Variants in PCDH9 observed in about 807,000 individuals in gnomAD.
The protein encoded by PCDH9 is protocadherin 9.
Under a neutral mutation model 70.6 loss-of-function variants are expected in PCDH9, and 24 were observed. That is an observed-to-expected ratio of 0.34 (90% CI 0.25 to 0.48). The LOEUF is 0.48. Among genes scored for constraint, PCDH9 ranks in the 20% least tolerant of loss-of-function variants. The pLI is 0.99. For synonymous variants in PCDH9, 562 were observed against 558.5 expected (o/e 1.01, Z -0.09); for missense variants, 1,281 against 1,503.6 (o/e 0.85, Z 2.45).
At chr13:66,305,052 A>G (rs944486350) in intron 4 of PCDH9, 24 bp from the exon 5 acceptor site, 1 of 1,557,346 alleles carries the variant, frequency 6.4e-7, no homozygotes. Flanking sequence ...GAGAGAGAAA[A>G]TAAGAAAAGG....
chr13:66,940,955 A>G (rs535773839), intron 2 of PCDH9, among the ~76,000 whole-genome samples: 1 of 152,076 alleles, frequency 6.6e-6, no homozygotes, highest in African/African-American at 2.4e-5. Context: ...ATTATGAAAA[A>G]GTATTGTTTT....
chr13:66,446,825 G>T (rs3843947), intron 4 of PCDH9, among the ~76,000 whole-genome samples: 1 of 151,724 alleles, frequency 6.6e-6, no homozygotes, highest in African/African-American at 2.4e-5. Context: ...TTATTCTAAC[G>T]TCCAGTCATA....
intron 4 of PCDH9, among the ~76,000 whole-genome samples, chr13:66,578,717 T>C (rs959508523): frequency 6.6e-6 from 1 of 152,158 alleles, no homozygotes; most frequent in Non-Finnish European, 1.5e-5. Flanking sequence ...CCATTAAACA[T>C]CTAATTTCTT....
In PCDH9 at chr13:66,590,449, T is replaced by C. The variant is rs189778143; in HGVS notation, c.3340+40761A>G. Among the ~76,000 whole-genome samples, 49 of 152,048 alleles carry C rather than the reference T, an allele frequency of 3.2e-4. 1 individual carries two copies. Among genetic ancestry groups the C allele is most frequent in the Admixed American group, 1.2e-3 (19 of 15,236 alleles). ...AGTTATCTAAGTTCATGTTAAACTA[T>C]GAATTGGTTGGTACACAACCAAATG... On this transcript the variant is annotated intron_variant, in intron 4 of 4. Coordinates refer to ENST00000377865, the MANE Select transcript of PCDH9 (RefSeq NM_203487.3).
At chr13:67,214,935 G>C (rs1449952516) in intron 2 of PCDH9, 1 of 89,248 alleles carries the variant, frequency 1.1e-5, no homozygotes. Context: ...TTGCGAGCCA[G>C]ATATATATAT....
chr13:67,193,754 T>G (rs534304201), intron 2 of PCDH9, among the ~76,000 whole-genome samples: 5 of 152,240 alleles, frequency 3.3e-5, no homozygotes, highest in African/African-American at 1.2e-4. Flanking sequence ...CTATGGATGC[T>G]TCAAATAAAG....
At chr13:66,746,220 C>T (rs962839548) in intron 3 of PCDH9, among the ~76,000 whole-genome samples, 1 of 152,084 alleles carries the variant, frequency 6.6e-6, no homozygotes, top group Non-Finnish European at 1.5e-5. Flanking sequence ...CATCTAAAAA[C>T]AATGCTATGT....
intron 4 of PCDH9, among the ~76,000 whole-genome samples, chr13:66,505,801 G>T (rs920404559): frequency 6.6e-6 from 1 of 152,112 alleles, no homozygotes; most frequent in Admixed American, 6.6e-5. Context: ...AATTCAAGAT[G>T]AGATTTGGGT....
chr13:66,855,838 A>T lies in PCDH9; in HGVS notation c.3138+47666T>A, dbSNP rs1190106682. The stretch of plus-strand genomic sequence containing the variant: ...ATATATGAATAAACATAAAAAACTC[A>T]TATACTATCTACTTGTGTAAAAATG... On this transcript the variant is annotated intron_variant, in intron 3 of 4. Transcript: ENST00000377865. Among the ~76,000 whole-genome samples, 3 of 152,102 alleles carry T rather than the reference A, an allele frequency of 2.0e-5. No individual in the cohort carries two copies. In the East Asian group the frequency reaches 5.8e-4, roughly 29 times the overall value.
At chr13:67,116,455 A>G (rs983794921) in intron 2 of PCDH9, among the ~76,000 whole-genome samples, 9 of 152,160 alleles carry the variant, frequency 5.9e-5, no homozygotes, top group Non-Finnish European at 1.3e-4. Context: ...GAGGAGGAGG[A>G]AAAAGTTTAG....
intron 2 of PCDH9, among the ~76,000 whole-genome samples, chr13:66,909,471 T>C (rs1372056895): frequency 6.6e-6 from 1 of 151,772 alleles, no homozygotes; most frequent in Non-Finnish European, 1.5e-5. Flanking sequence ...AAAACACATG[T>C]TGAAAATCCA....
intron 2 of PCDH9, among the ~76,000 whole-genome samples, chr13:66,936,470 A>G (rs1230156764): frequency 1.3e-5 from 2 of 152,198 alleles, no homozygotes; most frequent in African/African-American, 2.4e-5. Flanking sequence ...TTGCTGGAAG[A>G]AAAAATTTAA....
chr13:67,077,202 T>C (rs747971515), intron 2 of PCDH9, among the ~76,000 whole-genome samples: 21 of 152,118 alleles, frequency 1.4e-4, no homozygotes, highest in African/African-American at 1.9e-4. Flanking sequence ...ACATTGCCCA[T>C]TAATCTCTGG....
At chr13:66,703,594 T>C (rs911934166) in intron 3 of PCDH9, among the ~76,000 whole-genome samples, 3 of 152,182 alleles carry the variant, frequency 2.0e-5, no homozygotes, top group Non-Finnish European at 2.9e-5. Context: ...GATAGATTAA[T>C]TGAAATTAAG....
chr13:66,781,544 AT>A (rs1288547982), intron 3 of PCDH9, among the ~76,000 whole-genome samples: 1 of 152,174 alleles, frequency 6.6e-6, no homozygotes, highest in African/African-American at 2.4e-5. Flanking sequence ...CAGCACTTAT[AT>A]TTTGTCCTTG....
intron 3 of PCDH9, among the ~76,000 whole-genome samples, chr13:66,738,263 A>C (rs1328674636): frequency 6.6e-6 from 1 of 151,238 alleles, no homozygotes; most frequent in Non-Finnish European, 1.5e-5. Flanking sequence ...GTATTCCAAC[A>C]GACCTGCAGC....
intron 4 of PCDH9, among the ~76,000 whole-genome samples, chr13:66,447,931 T>C (rs931218973): frequency 2.4e-4 from 36 of 152,176 alleles, no homozygotes; most frequent in Non-Finnish European, 4.6e-4. Flanking sequence ...TCTTTCAGTT[T>C]GGAGAACAAG....
intron 4 of PCDH9, among the ~76,000 whole-genome samples, chr13:66,587,229 T>C (rs1482731932): frequency 6.6e-6 from 1 of 151,952 alleles, no homozygotes; most frequent in African/African-American, 2.4e-5. Context: ...GCCCACAGGG[T>C]TGAGGCTACA....
At chr13:66,416,207 T>G (rs1957457476) in intron 4 of PCDH9, among the ~76,000 whole-genome samples, 1 of 152,098 alleles carries the variant, frequency 6.6e-6, no homozygotes, top group South Asian at 2.1e-4. Context: ...TGAAACCATC[T>G]TCTCCTTCAA....
Sources: gnomAD v4.1 joint callset for allele counts (sites outside exome capture counted in the v4.1 genomes callset) on GRCh38, gnomAD v4.1.1 for gene constraint, MANE v1.5 for transcripts, NCBI Gene and HGNC (gene_info 2026-07-23, HGNC 2026-07-21) for gene names.